The following ZNF385B variants were observed in gnomAD, a reference collection of about 807,000 sequenced individuals.
ZNF385B encodes zinc finger protein 533.
A neutral mutation model predicts 39.2 loss-of-function variants in ZNF385B; 23 were observed. The ratio of observed to expected loss-of-function variants is 0.59; its 90% CI spans 0.42 to 0.83. The LOEUF (loss-of-function observed/expected upper bound fraction) is 0.83. Among genes scored for constraint, ZNF385B ranks in the 40% least tolerant of loss-of-function variants. The pLI is 0.00. For synonymous variants in ZNF385B, 205 were observed against 222.6 expected (o/e 0.92, Z 0.70); for missense variants, 552 against 598.9 (o/e 0.92, Z 0.82).
chr2:179,607,705 G>A (rs986755404), intron 3 of ZNF385B, among the ~76,000 whole-genome samples: 3 of 152,030 alleles, frequency 2.0e-5, no homozygotes, highest in Non-Finnish European at 4.4e-5. Context: ...TGTCAAGAAA[G>A]ACCAGTAACT....
intron 3 of ZNF385B, among the ~76,000 whole-genome samples, chr2:179,565,666 T>C (rs1341099622): frequency 2.6e-5 from 4 of 152,226 alleles, no homozygotes; most frequent in Admixed American, 1.3e-4. Flanking sequence ...ATACACACTT[T>C]ATGCGTTCTA....
intron 3 of ZNF385B, among the ~76,000 whole-genome samples, chr2:179,720,803 C>T (rs1328849070): frequency 1.3e-5 from 2 of 151,952 alleles, no homozygotes; most frequent in Non-Finnish European, 2.9e-5. Flanking sequence ...CTCTGACACC[C>T]AGGCTGGAAT....
chr2:179,814,473 T>C (rs897138833), intron 1 of ZNF385B: 5 of 542,644 alleles, frequency 9.2e-6, no homozygotes, highest in Non-Finnish European at 1.7e-5. Flanking sequence ...AATGTATGAG[T>C]TATATGATCC....
intron 3 of ZNF385B, among the ~76,000 whole-genome samples, chr2:179,589,039 A>G (rs1454293062): frequency 6.6e-6 from 1 of 152,072 alleles, no homozygotes; most frequent in Non-Finnish European, 1.5e-5. Flanking sequence ...TTTCAGGCCA[A>G]TTTCTATTAT....
chr2:179,634,608 G>C (rs1485352148), intron 3 of ZNF385B, among the ~76,000 whole-genome samples: 2 of 152,194 alleles, frequency 1.3e-5, no homozygotes, highest in East Asian at 1.9e-4. Context: ...GTTGGTGGGA[G>C]TGTAAATTAG....
At chr2:179,803,566 C>T (rs748030960) in intron 1 of ZNF385B, among the ~76,000 whole-genome samples, 6 of 152,076 alleles carry the variant, frequency 3.9e-5, no homozygotes, top group Non-Finnish European at 8.8e-5. Context: ...GGTAGAAGCA[C>T]GATATTATAA....
chr2:179,475,542 G>T (rs2053319813), intron 6 of ZNF385B, among the ~76,000 whole-genome samples: 1 of 151,538 alleles, frequency 6.6e-6, no homozygotes, highest in Admixed American at 6.6e-5. Flanking sequence ...GAGCCACCAT[G>T]CCTGGCCCAC....
chr2:179,769,840 T>C, intron 2 of ZNF385B, 38 bp from the exon 3 acceptor site: 5 of 1,515,210 alleles, frequency 3.3e-6, no homozygotes, highest in Non-Finnish European at 4.5e-6. Flanking sequence ...TCTGAAATGA[T>C]ATATGCCTTA....
At chr2:179,761,190 T>C (rs74915203) in intron 3 of ZNF385B, among the ~76,000 whole-genome samples, 2,000 of 152,276 alleles carry the variant, frequency 0.013, 20 homozygotes, top group Non-Finnish European at 0.022. Context: ...TTTTTCTTCT[T>C]TGTCAAGTTT....
At position 179,838,785 on chromosome 2, in the gene ZNF385B, C is replaced by T. The variant is rs370935928; in HGVS notation, c.-155+22316G>A. On this transcript the variant is annotated intron_variant, in intron 1 of 9. Transcript: ENST00000410066. ...TCACTCTTCTCTGAAAAATAATCAG[C>T]AATTTGTAATTTTTTCATGACTAGA... 1.3e-4 allele frequency among the ~76,000 whole-genome samples: 19 copies of T among 151,600 alleles called. No individual in the cohort carries two copies. In the South Asian group the frequency reaches 3.3e-3, roughly 27 times the overall value.
chr2:179,573,196 C>T (rs902357337), intron 3 of ZNF385B, among the ~76,000 whole-genome samples: 4 of 152,204 alleles, frequency 2.6e-5, no homozygotes, highest in South Asian at 2.1e-4. Flanking sequence ...TCTTTTCAGA[C>T]GTTGCATATG....
intron 1 of ZNF385B, among the ~76,000 whole-genome samples, chr2:179,803,509 A>C (rs1706162174): frequency 6.6e-6 from 1 of 152,204 alleles, no homozygotes. Flanking sequence ...AAAGACTCAA[A>C]TAATGTTTAG....
rs1042925863 is a variant in ZNF385B at position 179,577,491 on chromosome 2, G to T, written c.299-32522C>A. 2.6e-5 allele frequency among the ~76,000 whole-genome samples: 4 copies of T among 152,004 alleles called. No individual in the cohort carries two copies. In the East Asian group the frequency reaches 7.7e-4, roughly 29 times the overall value. The stretch of plus-strand genomic sequence containing the variant: ...TATTGTAATTCTCTAATTATATAGT[G>T]TCAGCATCTACTTTAAAGAGAAACA... On this transcript the variant is annotated intron_variant, in intron 3 of 9. Coordinates refer to ENST00000410066, the MANE Select transcript of ZNF385B (RefSeq NM_152520.6).
At chr2:179,788,348 ACTG>A (rs1224845558) in intron 1 of ZNF385B, among the ~76,000 whole-genome samples, 1 of 152,170 alleles carries the variant, frequency 6.6e-6, no homozygotes, top group Admixed American at 6.6e-5. Context: ...ATTACAAGCT[ACTG>A]CAACTAATAA....
At chr2:179,631,459 C>G (rs1261278380) in intron 3 of ZNF385B, among the ~76,000 whole-genome samples, 3 of 152,126 alleles carry the variant, frequency 2.0e-5, no homozygotes, top group African/African-American at 2.4e-5. Context: ...CCTTTACAGA[C>G]AAGCAAATGC....
At chr2:179,462,694 T>C (rs1213483406) in intron 6 of ZNF385B, among the ~76,000 whole-genome samples, 1 of 152,132 alleles carries the variant, frequency 6.6e-6, no homozygotes, top group Non-Finnish European at 1.5e-5. Flanking sequence ...ATCATCACTA[T>C]ATTGTTAGAT....
At chr2:179,776,696 G>T (rs2106516205) in intron 1 of ZNF385B, among the ~76,000 whole-genome samples, 1 of 152,254 alleles carries the variant, frequency 6.6e-6, no homozygotes, top group South Asian at 2.1e-4. Context: ...CAACAACAAG[G>T]AAGGCAGTGG....
intron 3 of ZNF385B, among the ~76,000 whole-genome samples, chr2:179,676,623 C>T (rs1696867277): frequency 6.6e-6 from 1 of 152,120 alleles, no homozygotes; most frequent in Admixed American, 6.5e-5. Context: ...CAGAACAGGC[C>T]CACAGGGAGC....
intron 3 of ZNF385B, among the ~76,000 whole-genome samples, chr2:179,675,038 T>A (rs2106312542): frequency 6.6e-6 from 1 of 152,282 alleles, no homozygotes; most frequent in East Asian, 1.9e-4. Flanking sequence ...CCCCATGCAG[T>A]CAAAAATTCA....
Sources: allele counts gnomAD v4.1 joint callset (sites outside exome capture counted in the v4.1 genomes callset), GRCh38; gene constraint gnomAD v4.1.1; transcripts MANE v1.5; gene names NCBI Gene and HGNC (gene_info 2026-07-23, HGNC 2026-07-21).